Variants in SLC39A10 observed in about 807,000 individuals in gnomAD.
SLC39A10 encodes the protein zinc transporter ZIP10.
In SLC39A10, 13 loss-of-function variants were observed where a neutral mutation model predicts 65.1. The ratio of observed to expected loss-of-function variants is 0.20; its 90% confidence interval spans 0.13 to 0.32. SLC39A10 has a LOEUF of 0.32. SLC39A10 is among the 10% of genes least tolerant of loss of function. SLC39A10 has a pLI of 1.00. For synonymous variants in SLC39A10, 321 were observed against 342.2 expected, an observed-to-expected ratio of 0.94 and a Z score of 0.68; for missense variants, 831 against 1,018.4, an observed-to-expected ratio of 0.82 and a Z score of 2.50.
chr2:195,657,819 A>G (rs1689217902), intron 1 of SLC39A10, among the ~76,000 whole-genome samples: 1 of 151,978 alleles, frequency 6.6e-6, no homozygotes, highest in Admixed American at 6.5e-5. Flanking sequence ...TAATGGGGCG[A>G]GGGGACCCCG....
At chr2:195,630,103 A>ATG (rs35865354) in intron 2 of SLC39A10, among the ~76,000 whole-genome samples, 49,977 of 131,264 alleles carry the variant, frequency 0.38, 9,829 homozygotes, top group Non-Finnish European at 0.47. Flanking sequence ...CTCATTTTAT[A>ATG]TGTGTGTGTG....
chr2:195,648,019 G>T (rs1486480383), intron 2 of SLC39A10, among the ~76,000 whole-genome samples: 1 of 152,018 alleles, frequency 6.6e-6, no homozygotes, highest in Non-Finnish European at 1.5e-5. Flanking sequence ...CTGAGGCAAG[G>T]TCCCACTCTG....
At position 195,631,409 on chromosome 2, in the gene SLC39A10, T is replaced by C. The variant is rs958627176; in HGVS notation, c.-12+25176T>C. ...TAACATAATTCATTTAACCATAATGTAGAGTTGTTGATAACCACCCATTTT... is the reference window on the plus strand; with the variant it reads ...TAACATAATTCATTTAACCATAATGCAGAGTTGTTGATAACCACCCATTTT... On this transcript the variant is annotated intron_variant, in intron 2 of 2. Transcript: ENST00000458054. 2.0e-5 allele frequency among the ~76,000 whole-genome samples: 3 copies of C among 152,166 alleles called. No individual in the cohort carries two copies. In the East Asian group the frequency reaches 5.8e-4, roughly 29 times the overall value.
At chr2:195,734,159 T>TTAAA (rs1553508651) in intron 9 of SLC39A10, among the ~76,000 whole-genome samples, 8 of 116,556 alleles carry the variant, frequency 6.9e-5, no homozygotes, top group African/African-American at 2.7e-4. Flanking sequence ...CCTTTTTTTT[T>TTAAA]AAAAAAAAAA....
intron 5 of SLC39A10, among the ~76,000 whole-genome samples, chr2:195,712,459 C>A (rs1374899611): frequency 6.6e-6 from 1 of 152,240 alleles, no homozygotes; most frequent in Non-Finnish European, 1.5e-5. Flanking sequence ...TGCAAGCTTA[C>A]TTATGCAGCA....
At position 195,674,780 on chromosome 2, in the gene SLC39A10, C is replaced by T. The variant is rs1462765148; in HGVS notation, c.-11-5252C>T. 2.1e-5 allele frequency: 8 copies of T among 386,002 alleles called. No individual in the cohort carries two copies. The Admixed American group carries it at 3.9e-4, about 19-fold the overall frequency. The allele number at this position is 386,002 out of a possible 1,614,324, so 23.9% of individuals were successfully genotyped here. On this transcript the variant is annotated intron_variant, in intron 1 of 9. Transcript: ENST00000359634. ...ATGGTGTAGCCTGCTATACACCTAC[C>T]TATAGAGTATAGCCAGTTGCTTCTA...
intron 2 of SLC39A10, among the ~76,000 whole-genome samples, chr2:195,614,491 C>T (rs1574472353): frequency 6.6e-6 from 1 of 152,146 alleles, no homozygotes; most frequent in Non-Finnish European, 1.5e-5. Context: ...AAGAATTGCT[C>T]ATCTGGTAGC....
chr2:195,734,755 C>G, intron 9 of SLC39A10, 128 bp from the exon 10 acceptor site: 1 of 902,642 alleles, frequency 1.1e-6, no homozygotes, highest in Non-Finnish European at 1.6e-6. Flanking sequence ...GCATTGTGTT[C>G]AATAAAATAA....
At chr2:195,709,773 C>T (rs148805578) in intron 5 of SLC39A10, among the ~76,000 whole-genome samples, 187 of 152,144 alleles carry the variant, frequency 1.2e-3, no homozygotes, top group Middle Eastern at 6.8e-3. Context: ...TTACATCATA[C>T]CTAATTGACT....
chr2:195,632,417 A>C (rs1688605343), intron 2 of SLC39A10, among the ~76,000 whole-genome samples: 1 of 146,098 alleles, frequency 6.8e-6, no homozygotes, highest in African/African-American at 2.6e-5. Context: ...CTCCTGCCTC[A>C]GCCTCCTAAG....
In SLC39A10 at chr2:195,732,192, G is replaced by A. The variant is rs76850075; in HGVS notation, c.2338-2691G>A. ...GAGTTTATCTTGTAAACTTTGGAGA[G>A]CCATGAAAAAGTTTAAGCAGTAGAA... On this transcript the variant is annotated intron_variant, in intron 9 of 9. Coordinates refer to ENST00000359634, the MANE Select transcript of SLC39A10 (RefSeq NM_020342.3). 1.4e-3 allele frequency among the ~76,000 whole-genome samples: 212 copies of A among 152,264 alleles called. 1 individual carries two copies. The highest frequency in any genetic ancestry group is 2.2e-3 in the Non-Finnish European group (152 of 68,026).
At chr2:195,659,593 T>C (rs371325608) in intron 1 of SLC39A10, among the ~76,000 whole-genome samples, 11 of 152,304 alleles carry the variant, frequency 7.2e-5, no homozygotes, top group African/African-American at 2.6e-4. Flanking sequence ...TGACCAATAC[T>C]GGAAAAAATT....
Position 195,734,632 on chromosome 2 carries a change from G to A in SLC39A10, c.2338-251G>A, listed in dbSNP as rs1037419238. Among the ~76,000 whole-genome samples the A allele has an allele frequency of 9.9e-5, 15 of 152,256 alleles. No homozygotes were observed. The East Asian group carries it at 2.9e-3, about 29-fold the overall frequency. ...AGTAACTGTTTGAAAAATGACTAAT[G>A]TGCATATTTTAAGTGTTTGTTGTGG... On this transcript the variant is annotated intron_variant, in intron 9 of 9. Coordinates refer to ENST00000359634, the MANE Select transcript of SLC39A10 (RefSeq NM_020342.3).
chr2:195,734,744 A>G (rs1692534524), intron 9 of SLC39A10, 139 bp from the exon 10 acceptor site: 1 of 785,396 alleles, frequency 1.3e-6, no homozygotes, highest in Non-Finnish European at 1.9e-6. Context: ...TCTGGTGGGT[A>G]GCATTGTGTT....
In SLC39A10 at chr2:195,734,798, ATT is replaced by A. The variant is rs1692537659; in HGVS notation, c.2338-82_2338-81del. The A allele has an allele frequency of 2.9e-6, 4 of 1,360,340 alleles. No individual in the cohort carries two copies. In the East Asian group the frequency reaches 1.0e-4, roughly 34 times the overall value. 84.3% of individuals were successfully genotyped at this position (1,360,340 alleles called of 1,614,324 possible). The stretch of plus-strand genomic sequence containing the variant: ...GTCTGTAGTTACACTTCAGTCACTA[ATT>A]TTCTTAAGTAGGAAAATGTTTTTAA... On this transcript the variant is annotated intron_variant, in intron 9 of 9. Transcript: ENST00000359634.
intron 2 of SLC39A10, among the ~76,000 whole-genome samples, chr2:195,634,989 A>C (rs192214599): frequency 1.5e-4 from 23 of 152,328 alleles, no homozygotes; most frequent in Non-Finnish European, 2.8e-4. Context: ...TGGAAGTTGC[A>C]GTGAGCTGAG....
intron 6 of SLC39A10, among the ~76,000 whole-genome samples, chr2:195,714,622 A>G (rs1207341054): frequency 1.3e-5 from 2 of 152,206 alleles, no homozygotes; most frequent in African/African-American, 2.4e-5. Flanking sequence ...TGAAGGATTC[A>G]AATTAGTTAA....
At chr2:195,643,260 G>A (rs2118842) in intron 2 of SLC39A10, among the ~76,000 whole-genome samples, 33,625 of 152,114 alleles carry the variant, frequency 0.22, 3,980 homozygotes, top group East Asian at 0.34. Context: ...TGGAAGCCCA[G>A]CTGCAATAGA....
chr2:195,691,312 G>A (rs1690731840), intron 3 of SLC39A10, among the ~76,000 whole-genome samples: 1 of 152,084 alleles, frequency 6.6e-6, no homozygotes, highest in Non-Finnish European at 1.5e-5. Flanking sequence ...TTGCAAGTTG[G>A]GCTGCTGTAA....
Sources: allele counts gnomAD v4.1 joint callset (sites outside exome capture counted in the v4.1 genomes callset), GRCh38; gene constraint gnomAD v4.1.1; transcripts MANE v1.5; gene names NCBI Gene and HGNC (gene_info 2026-07-23, HGNC 2026-07-21).